Variants in ITGAD observed in about 807,000 individuals in gnomAD.
ITGAD encodes the protein integrin alpha-D.
A neutral mutation model predicts 139.0 loss-of-function variants in ITGAD; 105 were observed. The observed-to-expected ratio is 0.76, with a 90% CI of 0.65 to 0.89. The LOEUF (loss-of-function observed/expected upper bound fraction) is 0.89, where lower values mean the gene tolerates loss of function less well. Among genes scored for constraint, ITGAD ranks in the 40% least tolerant of loss-of-function variants. The pLI, the probability that ITGAD is intolerant of heterozygous loss-of-function variation, is 0.00. For missense variants in ITGAD, 1,384 were observed against 1,487.3 expected (o/e 0.93, Z 1.14); for synonymous variants, 569 against 598.3 (o/e 0.95, Z 0.71).
intron 5 of ITGAD, among the ~76,000 whole-genome samples, chr16:31,401,159 C>T (rs914842374): frequency 1.3e-5 from 2 of 152,098 alleles, no homozygotes; most frequent in South Asian, 4.1e-4. Context: ...ACTCAGGAGA[C>T]TGAGGTGGGA....
chr16:31,414,536 C>A lies in ITGAD; in HGVS notation c.2082C>A (p.Asn694Lys). ...GTGCCATTTTCAATGAAACCAAGAA[C>A]CCCACTTTGACTCGAAGAAAAACCC... ...TSRAIFNETK[N>K]PTLTRRKTLG... Residue 694 changes from asparagine to lysine, a missense_variant, in exon 17 of 30, where the codon AAC becomes AAA. Transcript: ENST00000389202. 6.2e-7 allele frequency: 1 copy of A among 1,614,210 alleles called. No individual in the cohort carries two copies. Among genetic ancestry groups the A allele is most frequent in the Non-Finnish European group, 8.5e-7 (1 of 1,180,038 alleles).
chr16:31,397,525 G>A (rs55676875), intron 3 of ITGAD, 63 bp downstream of exon 3: 1 of 1,588,796 alleles, frequency 6.3e-7, no homozygotes, highest in Non-Finnish European at 8.6e-7. Flanking sequence ...CCCCCGCTTA[G>A]CTTCCAGTCC....
At chr16:31,425,369 C>A (rs950251072) in intron 29 of ITGAD, among the ~76,000 whole-genome samples, 1 of 152,166 alleles carries the variant, frequency 6.6e-6, no homozygotes, top group Non-Finnish European at 1.5e-5. Flanking sequence ...CTGTGCCCGG[C>A]CGTTTCTCAT....
intron 4 of ITGAD, 40 bp downstream of exon 4, chr16:31,397,706 C>CCCGCGGG: frequency 3.3e-6 from 1 of 299,964 alleles, no homozygotes; most frequent in Non-Finnish European, 5.6e-6. Flanking sequence ...TGGGGTGGGG[C>CCCGCGGG]GGGGGGTGTT....
rs1326180724 is a variant in ITGAD at position 31,412,891 on chromosome 16, G to A, written c.1761G>A (p.Leu587=). 9.3e-6 allele frequency: 15 copies of A among 1,614,142 alleles called. No individual in the cohort carries two copies. The highest frequency in any genetic ancestry group is 1.3e-5 in the Non-Finnish European group (15 of 1,180,018). The change falls in exon 15 of 30, where the codon CTG becomes CTA. Residue 587 remains leucine (L), a synonymous_variant. Transcript: ENST00000389202. Reference sequence around the variant, plus strand: ...GGCTGCAGTATTTTGGGCAGGCGCTGAGTGGGGGTCAGGACCTCACCCAGG... The same window carrying A: ...GGCTGCAGTATTTTGGGCAGGCGCTAAGTGGGGGTCAGGACCTCACCCAGG... ...SPRLQYFGQA[L]SGGQDLTQDG... is the part of the protein sequence containing the mutation.
intron 5 of ITGAD, among the ~76,000 whole-genome samples, chr16:31,401,788 A>G (rs1213948820): frequency 6.6e-6 from 1 of 152,260 alleles, no homozygotes; most frequent in Non-Finnish European, 1.5e-5. Flanking sequence ...GCCCAGGCAC[A>G]CTGGCTCCAG....
intron 5 of ITGAD, among the ~76,000 whole-genome samples, chr16:31,400,610 GTTC>G (rs2081379820): frequency 6.6e-6 from 1 of 152,122 alleles, no homozygotes; most frequent in African/African-American, 2.4e-5. Context: ...ACTTGGGAAT[GTTC>G]TTTTTTTTTG....
At chr16:31,412,731 C>T in intron 14 of ITGAD, 107 bp from the exon 15 acceptor site, 1 of 1,397,668 alleles carries the variant, frequency 7.2e-7, no homozygotes, top group Non-Finnish European at 1.0e-6. Context: ...CACAGCTCAC[C>T]CCTTCTCTCC....
In ITGAD at chr16:31,403,575, C is replaced by T; in HGVS notation, c.634C>T (p.Gln212Ter). ...FTQFRTSPSQ[Q>*]SLVDPIVQLK... Reference sequence around the variant, plus strand: ...CCAATTCCGGACCAGCCCGAGCCAGCAGAGCCTGGTGGATCCCATCGTCCA... The same window carrying T: ...CCAATTCCGGACCAGCCCGAGCCAGTAGAGCCTGGTGGATCCCATCGTCCA... The change falls in exon 7 of 30, where the codon CAG (glutamine) becomes TAG (stop). Residue 212 changes from glutamine (Q) to a stop codon, truncating the protein, a stop_gained. Transcript: ENST00000389202. LOFTEE classifies it high-confidence loss of function. This position sits in a 1 kb window ranked among gnomAD's most constrained non-coding sequence, Gnocchi z 4.4. 2 of 1,614,214 alleles carry T rather than the reference C, an allele frequency of 1.2e-6. No homozygotes were observed. Among genetic ancestry groups the T allele is most frequent in the South Asian group, 2.2e-5 (2 of 91,086 alleles).
chr16:31,408,544 T>G, intron 10 of ITGAD, 46 bp downstream of exon 10: 2 of 1,544,904 alleles, frequency 1.3e-6, no homozygotes, highest in Non-Finnish European at 1.8e-6. Flanking sequence ...ATACCAACTC[T>G]GCACCCACCC....
chr16:31,407,622 T>A lies in ITGAD; in HGVS notation c.812T>A (p.Val271Asp). ...AAAGACCCCCTGGAATACAGTGATG[T>A]CATCCCCCAGGCAGAGAAGGCTGGC... Reference protein sequence around the residue: ...KYKDPLEYSDVIPQAEKAGII... With the variant: ...KYKDPLEYSDDIPQAEKAGII... Residue 271 changes from valine (V) to aspartate (D), a missense_variant, in exon 8 of 30, where the codon GTC (valine) becomes GAC (aspartate). Physicochemically the swap from Val to Asp is radical, Grantham distance 152 (BLOSUM62 -3). Transcript: ENST00000389202. 1 of 1,614,150 alleles carries A rather than the reference T, an allele frequency of 6.2e-7. No individual in the cohort carries two copies. The highest frequency in any genetic ancestry group is 8.5e-7 in the Non-Finnish European group (1 of 1,180,008).
intron 18 of ITGAD, 52 bp downstream of exon 18, chr16:31,415,043 T>G (rs1170306263): frequency 1.9e-6 from 3 of 1,605,978 alleles, no homozygotes; most frequent in Admixed American, 1.7e-5. Context: ...TTTGTCTCCA[T>G]GAGCTTAAGA....
intron 2 of ITGAD, among the ~76,000 whole-genome samples, 161 bp from the exon 3 acceptor site, chr16:31,397,198 A>G (rs984270687): frequency 1.3e-5 from 2 of 151,140 alleles, no homozygotes; most frequent in Non-Finnish European, 2.9e-5. Flanking sequence ...TGTGAGTTAC[A>G]CTTGGGCCCT....
Position 31,414,868 on chromosome 16 carries a change from G to A in ITGAD, c.2160G>A (p.Val720=), listed in dbSNP as rs2081843896. ...AGCCTGTTCTCTCTCAGGATTGTGT[G>A]GAGGATGTGGTGAGCCCCATCATTC... ...ETLKLLLPDC[V]EDVVSPIILH... Residue 720 remains valine, a synonymous_variant, in exon 18 of 30, where the codon GTG becomes GTA. Transcript: ENST00000389202. 1.2e-6 allele frequency: 2 copies of A among 1,613,878 alleles called. No homozygotes were observed. Among genetic ancestry groups the A allele is most frequent in the Admixed American group, 3.3e-5 (2 of 59,990 alleles).
In ITGAD at chr16:31,410,860, C is replaced by T. The variant is rs545426214; in HGVS notation, c.1338C>T (p.Ala446=). The change falls in exon 12 of 30, where the codon GCC becomes GCT. Residue 446 remains alanine (A), a synonymous_variant. Transcript: ENST00000389202. ...TQVSRQWRKK[A]EVTGTQIGSY... is the part of the protein sequence containing the mutation. Reference sequence around the variant, plus strand: ...TGTCCAGGCAATGGAGGAAGAAGGCCGAAGTCACAGGGACGCAGGTTGGGC... The same window carrying T: ...TGTCCAGGCAATGGAGGAAGAAGGCTGAAGTCACAGGGACGCAGGTTGGGC... The T allele has an allele frequency of 3.4e-5, 55 of 1,611,102 alleles. No individual in the cohort carries two copies. Among genetic ancestry groups the T allele is most frequent in the Middle Eastern group, 3.3e-4 (2 of 6,042 alleles).
intron 5 of ITGAD, among the ~76,000 whole-genome samples, chr16:31,400,483 C>T (rs868205514): frequency 2.0e-5 from 3 of 152,292 alleles, no homozygotes; most frequent in South Asian, 2.1e-4. Flanking sequence ...CAACTGGGCC[C>T]TGAACACAGG....
Position 31,416,519 on chromosome 16 carries a change from C to A in ITGAD, c.2372C>A (p.Thr791Asn). 1 of 1,612,056 alleles carries A rather than the reference C, an allele frequency of 6.2e-7. No individual in the cohort carries two copies. Among genetic ancestry groups the A allele is most frequent in the Non-Finnish European group, 8.5e-7 (1 of 1,178,270 alleles). Reference sequence around the variant, plus strand: ...TTCCCCTTCAGCCTGCAGACCCTGACCGTGGGGAGCTCCCTGGAGCTCAAC... The same window carrying A: ...TTCCCCTTCAGCCTGCAGACCCTGAACGTGGGGAGCTCCCTGGAGCTCAAC... ...TLSFSGLQTL[T>N]VGSSLELNVI... The change falls in exon 20 of 30, where the codon ACC becomes AAC. Residue 791 changes from threonine to asparagine, a missense_variant. By Grantham distance (65) the Thr-to-Asn change is moderately conservative. Transcript: ENST00000389202.
At chr16:31,394,130 CAAAAAAAA>C (rs943198130) in intron 1 of ITGAD, 98 bp from the exon 2 acceptor site, 26 of 417,078 alleles carry the variant, frequency 6.2e-5, no homozygotes, top group African/African-American at 6.0e-4. Context: ...GACTCCATCT[CAAAAAAAA>C]AAAAAAAAAA....
intron 10 of ITGAD, 26 bp downstream of exon 10, chr16:31,408,524 T>C (rs749844855): frequency 3.1e-6 from 5 of 1,596,278 alleles, no homozygotes; most frequent in Non-Finnish European, 4.3e-6. Flanking sequence ...CCTCAATCCA[T>C]AGCTCTTGGA....
Sources: gnomAD v4.1 joint callset for allele counts (sites outside exome capture counted in the v4.1 genomes callset) on GRCh38, gnomAD v4.1.1 for gene constraint, Gnocchi (gnomAD v3.1) non-coding constraint, MANE v1.5 for transcripts, NCBI Gene and HGNC (gene_info 2026-07-23, HGNC 2026-07-21) for gene names.